The following PRIM1 variants were observed in gnomAD, a reference collection of about 807,000 sequenced individuals.
PRIM1 encodes DNA primase subunit 1.
In PRIM1, 38 loss-of-function variants were observed where a neutral mutation model predicts 60.2. The observed-to-expected ratio is 0.63, with a 90% CI of 0.49 to 0.83. PRIM1 has a LOEUF of 0.83. Ranked by LOEUF, PRIM1 falls within the 40% of genes least tolerant of loss-of-function variation. PRIM1 has a pLI of 0.00. For missense variants in PRIM1, 388 were observed against 506.2 expected (o/e 0.77, Z 2.24); for synonymous variants, 158 against 160.2 (o/e 0.99, Z 0.10).
At chr12:56,737,006 A>G (rs907898395) in intron 11 of PRIM1, among the ~76,000 whole-genome samples, 1 of 150,862 alleles carries the variant, frequency 6.6e-6, no homozygotes, top group African/African-American at 2.4e-5. Flanking sequence ...GGGTGGTCTC[A>G]AACTCCTAGG....
At chr12:56,748,541 C>A (rs948000439) in intron 2 of PRIM1, among the ~76,000 whole-genome samples, 2 of 151,316 alleles carry the variant, frequency 1.3e-5, no homozygotes, top group African/African-American at 2.4e-5. Context: ...GCAGGAGAAT[C>A]GCTTGAACCC....
At chr12:56,744,407 C>T (rs567722423) in intron 5 of PRIM1, among the ~76,000 whole-genome samples, 74 of 151,766 alleles carry the variant, frequency 4.9e-4, no homozygotes, top group Non-Finnish European at 7.7e-4. Flanking sequence ...GCAGGAGAGT[C>T]GCTTGAACTC....
Position 56,746,824 on chromosome 12 carries a change from G to A in PRIM1, c.399C>T (p.Thr133=), listed in dbSNP as rs771542143. The A allele has an allele frequency of 1.2e-6, 2 of 1,613,866 alleles. No homozygotes were observed. Among genetic ancestry groups the A allele is most frequent in the Admixed American group, 3.3e-5 (2 of 59,986 alleles). ...SSADICPKCW[T]LMTMAIRIID... Reference sequence around the variant, plus strand: ...TGATGCGTATGGCCATTGTCATGAGGGTCCAGCACTTAGGACATATGTCTG... The same window carrying A: ...TGATGCGTATGGCCATTGTCATGAGAGTCCAGCACTTAGGACATATGTCTG... Residue 133 remains threonine (T), a synonymous_variant, in exon 4 of 13, where the codon ACC becomes ACT. Coordinates refer to ENST00000338193, the MANE Select transcript of PRIM1 (RefSeq NM_000946.3).
At chr12:56,736,211 T>C (rs1953827858) in intron 11 of PRIM1, among the ~76,000 whole-genome samples, 1 of 138,502 alleles carries the variant, frequency 7.2e-6, no homozygotes, top group East Asian at 2.2e-4. Flanking sequence ...GGCAGGAGAA[T>C]TGCTTGAACC....
In PRIM1 at chr12:56,745,923, A is replaced by T. The variant is rs1953902862; in HGVS notation, c.579+122T>A. 7.8e-6 allele frequency: 8 copies of T among 1,028,946 alleles called. No homozygotes were observed. In the East Asian group the frequency reaches 2.2e-4, roughly 28 times the overall value. 63.7% of individuals were successfully genotyped at this position (1,028,946 alleles called of 1,614,324 possible). A position where few individuals can be genotyped will look rare whatever the true frequency, so the allele number is the denominator to read the frequency against. ...CATTGCAGTCCAGCCTGGGCAACAG[A>T]GTGAGAGTCCATCTCAAAAAAAAAA... On this transcript the variant is annotated intron_variant, in intron 5 of 12. Transcript: ENST00000338193.
chr12:56,740,623 A>G (rs1422868420), intron 9 of PRIM1, among the ~76,000 whole-genome samples: 1 of 152,110 alleles, frequency 6.6e-6, no homozygotes, highest in Non-Finnish European at 1.5e-5. Flanking sequence ...ACAAAATATT[A>G]GCTGGCTGTG....
Position 56,738,433 on chromosome 12 carries a change from C to T in PRIM1, c.1144+1G>A. ...AGTGAAGCTTCAAAATATTACCTTA[C>T]CTCTGGTTCTATGTTTGACATCAGA... On this transcript the variant is annotated splice_donor_variant, in intron 11 of 12. Coordinates refer to ENST00000338193, the MANE Select transcript of PRIM1 (RefSeq NM_000946.3). LOFTEE classifies it high-confidence loss of function. The T allele has an allele frequency of 6.4e-7, 1 of 1,574,064 alleles. No individual in the cohort carries two copies. The highest frequency in any genetic ancestry group is 8.6e-7 in the Non-Finnish European group (1 of 1,158,040).
chr12:56,751,116 G>T lies in PRIM1; in HGVS notation c.183C>A (p.Asn61Lys). 6 of 1,592,400 alleles carry T rather than the reference G, an allele frequency of 3.8e-6. No homozygotes were observed. The highest frequency in any genetic ancestry group is 5.1e-6 in the Non-Finnish European group (6 of 1,167,398). Residue 61 changes from asparagine to lysine, a missense_variant, in exon 2 of 13, where the codon AAC becomes AAA. Coordinates refer to ENST00000338193, the MANE Select transcript of PRIM1 (RefSeq NM_000946.3). Reference sequence around the variant, plus strand: ...TCTCCTTTTCCAGATCACTCTGGTTGTTGAAGGATTGGTAGCGAATGTAAA... The same window carrying T: ...TCTCCTTTTCCAGATCACTCTGGTTTTTGAAGGATTGGTAGCGAATGTAAA... ...DDIYIRYQSF[N>K]NQSDLEKEMQ...
chr12:56,736,298 T>TA (rs756452647), intron 11 of PRIM1, among the ~76,000 whole-genome samples: 605 of 24,310 alleles, frequency 0.025, 151 homozygotes, highest in African/African-American at 0.046. Flanking sequence ...ACTCTTTCTC[T>TA]AAAAAAAAAA....
At chr12:56,738,205 CAGT>C (rs1953846941) in intron 11 of PRIM1, among the ~76,000 whole-genome samples, 1 of 152,206 alleles carries the variant, frequency 6.6e-6, no homozygotes, top group African/African-American at 2.4e-5. Flanking sequence ...TTTAATCTTA[CAGT>C]ATAGATCCTA....
chr12:56,749,589 C>T (rs1428685507), intron 2 of PRIM1, among the ~76,000 whole-genome samples: 1 of 152,030 alleles, frequency 6.6e-6, no homozygotes, highest in Non-Finnish European at 1.5e-5. Flanking sequence ...TTTCTGCCTG[C>T]CTTTTATTAC....
At chr12:56,748,649 G>C (rs1211151405) in intron 2 of PRIM1, among the ~76,000 whole-genome samples, 2 of 149,330 alleles carry the variant, frequency 1.3e-5, no homozygotes, top group Non-Finnish European at 3.0e-5. Flanking sequence ...AAAAGCTTTA[G>C]CTAAAAGAAA....
At chr12:56,747,083 A>T in intron 2 of PRIM1, 51 bp from the exon 3 acceptor site, 1 of 1,426,628 alleles carries the variant, frequency 7.0e-7, no homozygotes, top group Non-Finnish European at 9.7e-7. Flanking sequence ...CACACTGCTA[A>T]ATCTGCTTAT....
chr12:56,751,458 G>T (rs1953958375), intron 1 of PRIM1: 1 of 206,878 alleles, frequency 4.8e-6, no homozygotes, highest in African/African-American at 2.3e-5. Flanking sequence ...GATAATTTTT[G>T]TATTTTTTGT....
At chr12:56,751,966 GTTTTTTTTTT>G (rs66861394) in intron 1 of PRIM1, among the ~76,000 whole-genome samples, 1 of 79,362 alleles carries the variant, frequency 1.3e-5, no homozygotes, top group Non-Finnish European at 2.4e-5. Context: ...CGGCGGCTCT[GTTTTTTTTTT>G]TTTTTTTTTT....
At position 56,736,298 on chromosome 12, in the gene PRIM1, T is replaced by TAAAAAAAAAAAAAAAAAAA. The variant is rs756452647; in HGVS notation, c.1145-2072_1145-2054dup. ...GGGTGACAGAGTAAGACTCTTTCTC[T>TAAAAAAAAAAAAAAAAAAA]AAAAAAAAAAAAAAAAAAAAAAAAA... On this transcript the variant is annotated intron_variant, in intron 11 of 12. Transcript: ENST00000338193. 4.9e-4 allele frequency among the ~76,000 whole-genome samples: 12 copies of TAAAAAAAAAAAAAAAAAAA among 24,320 alleles called. 2 individuals carry two copies. Among genetic ancestry groups the TAAAAAAAAAAAAAAAAAAA allele is most frequent in the African/African-American group, 1.8e-3 (8 of 4,442 alleles). The allele number at this position is 24,320 out of a possible 152,430, so 16.0% of individuals were successfully genotyped here. A position where few individuals can be genotyped will look rare whatever the true frequency, so the allele number is the denominator to read the frequency against.
At chr12:56,736,169 G>T (rs571672197) in intron 11 of PRIM1, among the ~76,000 whole-genome samples, 1 of 149,984 alleles carries the variant, frequency 6.7e-6, no homozygotes, top group Admixed American at 6.7e-5. Flanking sequence ...GTCGTGGCGG[G>T]CACCTGTAAC....
At chr12:56,737,568 C>T (rs569793816) in intron 11 of PRIM1, among the ~76,000 whole-genome samples, 7 of 151,826 alleles carry the variant, frequency 4.6e-5, no homozygotes, top group Admixed American at 3.3e-4. Flanking sequence ...AGGCCGGTCT[C>T]GAACTCAGGA....
At chr12:56,744,490 T>A (rs1257972951) in intron 5 of PRIM1, among the ~76,000 whole-genome samples, 1 of 151,368 alleles carries the variant, frequency 6.6e-6, no homozygotes, top group Non-Finnish European at 1.5e-5. Context: ...CGAGACTCCA[T>A]CTCAAAAAAA....
Sources: allele counts gnomAD v4.1 joint callset (sites outside exome capture counted in the v4.1 genomes callset), GRCh38; gene constraint gnomAD v4.1.1; transcripts MANE v1.5; gene names NCBI Gene and HGNC (gene_info 2026-07-23, HGNC 2026-07-21).